The following PLAC1 variants were observed in gnomAD, a reference collection of about 807,000 sequenced individuals.
PLAC1 encodes the protein placenta associated 1.
For synonymous variants in PLAC1, 68 were observed against 62.1 expected, an observed-to-expected ratio of 1.09 and a Z score of -0.44; for missense variants, 136 against 163.2, an observed-to-expected ratio of 0.83 and a Z score of 0.91.
intron 2 of PLAC1, among the ~76,000 whole-genome samples, chrX:134,685,449 C>CTTTTTTTTTTTTT (rs200498313): frequency 7.1e-4 from 35 of 49,155 alleles, no homozygotes; most frequent in South Asian, 1.6e-3. Flanking sequence ...AATGGCGTCC[C>CTTTTTTTTTTTTT]TTTTTTTTTT....
intron 2 of PLAC1, chrX:134,599,386 C>T (rs2078078124): frequency 9.0e-6 from 1 of 111,007 alleles, no homozygotes; most frequent in Admixed American, 9.6e-5. Context: ...TGAGTTCTTA[C>T]AGGATCTGAT....
At chrX:134,640,575 T>C (rs760130906) in intron 1 of PLAC1, among the ~76,000 whole-genome samples, 1 of 111,690 alleles carries the variant, frequency 9.0e-6, no homozygotes, top group Non-Finnish European at 1.9e-5. Flanking sequence ...GGGGTACAGA[T>C]AAATGAGATG....
intron 1 of PLAC1, among the ~76,000 whole-genome samples, chrX:134,620,043 T>C (rs2078203716): frequency 8.9e-6 from 1 of 112,268 alleles, no homozygotes; most frequent in Admixed American, 9.4e-5. Flanking sequence ...GACTAGACTA[T>C]ATGACTTTAT....
Position 134,611,765 on chromosome X carries a change from A to T in PLAC1, c.-130-9643T>A, listed in dbSNP as rs1007840066. ...AAATAACGAGTTAAAAACTACCATG[A>T]TAAAAAGGCACGAGACACAAGGCAG... On this transcript the variant is annotated intron_variant, in intron 1 of 2. Transcript: ENST00000359237. 2.7e-5 allele frequency among the ~76,000 whole-genome samples: 3 copies of T among 110,756 alleles called. No homozygotes were observed. The East Asian group carries it at 8.5e-4, about 31-fold the overall frequency.
intron 2 of PLAC1, among the ~76,000 whole-genome samples, chrX:134,578,515 C>CA: frequency 1.8e-5 from 1 of 55,970 alleles, no homozygotes; most frequent in Non-Finnish European, 3.0e-5. Context: ...TTCTTTCTTT[C>CA]TTTTTTTTTT....
At chrX:134,630,253 G>C (rs1409926760) in intron 1 of PLAC1, among the ~76,000 whole-genome samples, 2 of 111,838 alleles carry the variant, frequency 1.8e-5, no homozygotes, top group Admixed American at 1.9e-4. Flanking sequence ...TTACAGGCGT[G>C]AGCCACCACG....
At chrX:134,655,786 T>C (rs1262757302) in intron 1 of PLAC1, among the ~76,000 whole-genome samples, 1 of 112,486 alleles carries the variant, frequency 8.9e-6, no homozygotes, top group African/African-American at 3.2e-5. Context: ...ATAGCAATAA[T>C]AATAAAAGAA....
intron 1 of PLAC1, among the ~76,000 whole-genome samples, chrX:134,753,130 G>A (rs1040262395): frequency 1.8e-5 from 2 of 111,439 alleles, no homozygotes; most frequent in African/African-American, 6.5e-5. Flanking sequence ...AACAGATTAT[G>A]TTGCTAGGTA....
intron 1 of PLAC1, among the ~76,000 whole-genome samples, chrX:134,740,421 C>T (rs764501098): frequency 1.7e-4 from 19 of 110,762 alleles, no homozygotes; most frequent in African/African-American, 3.3e-4. Context: ...CATGATGTTA[C>T]GAAAAGAAGC....
rs559529240 is a variant in PLAC1, at chrX:134,583,633, C to G, written c.-58-16893G>C. Among the ~76,000 whole-genome samples the G allele has an allele frequency of 8.2e-5, 9 of 110,276 alleles. No homozygotes were observed. The East Asian group carries it at 2.3e-3, about 28-fold the overall frequency. On this transcript the variant is annotated intron_variant, in intron 2 of 2. Transcript: ENST00000359237. ...AGTGAATGAGGTCTGAAAAACTGCACGTACAGGGCCTGGCACAGAGCAAGT... is the reference window on the plus strand; with the variant it reads ...AGTGAATGAGGTCTGAAAAACTGCAGGTACAGGGCCTGGCACAGAGCAAGT...
At chrX:134,698,258 C>T (rs1255399243) in intron 2 of PLAC1, among the ~76,000 whole-genome samples, 1 of 110,946 alleles carries the variant, frequency 9.0e-6, no homozygotes, top group African/African-American at 3.3e-5. Context: ...TTGAGACCAG[C>T]TTAGCCAAAA....
At chrX:134,744,281 C>CAA (rs779609449) in intron 1 of PLAC1, among the ~76,000 whole-genome samples, 2,670 of 51,356 alleles carry the variant, frequency 0.052, 155 homozygotes, top group African/African-American at 0.15. Flanking sequence ...GACTCCATCT[C>CAA]AAAAAAAAAA....
intron 2 of PLAC1, among the ~76,000 whole-genome samples, chrX:134,687,815 CAT>C (rs56675396): frequency 4.2e-3 from 130 of 31,065 alleles, no homozygotes; most frequent in African/African-American, 6.8e-3. Context: ...ACTGAGATAA[CAT>C]ATATATATAT....
At chrX:134,681,589 A>T (rs186946190) in intron 2 of PLAC1, among the ~76,000 whole-genome samples, 151 of 111,881 alleles carry the variant, frequency 1.3e-3, no homozygotes, top group African/African-American at 4.8e-3. Flanking sequence ...ACAAATTTTT[A>T]AAAAAGGTGA....
chrX:134,689,434 C>T (rs139985444), intron 2 of PLAC1, among the ~76,000 whole-genome samples: 3,881 of 111,559 alleles, frequency 0.035, 177 homozygotes, highest in African/African-American at 0.12. Flanking sequence ...TGTGTTCATG[C>T]CCGTTTTCAT....
chrX:134,647,397 G>T (rs112295987), intron 1 of PLAC1, among the ~76,000 whole-genome samples: 2,742 of 101,504 alleles, frequency 0.027, 110 homozygotes, highest in African/African-American at 0.096. Flanking sequence ...TCTATGTGTG[G>T]GCATGCATGC....
intron 2 of PLAC1, among the ~76,000 whole-genome samples, chrX:134,721,795 AG>A (rs2078658521): frequency 9.1e-6 from 1 of 110,207 alleles, no homozygotes; most frequent in Non-Finnish European, 1.9e-5. Context: ...CCTGGGAGGC[AG>A]AGGTTGCAGT....
At chrX:134,738,206 A>T (rs1277523281) in intron 1 of PLAC1, among the ~76,000 whole-genome samples, 1 of 111,978 alleles carries the variant, frequency 8.9e-6, no homozygotes, top group Non-Finnish European at 1.9e-5. Context: ...AAGGTCAATT[A>T]TTGTTGGAAG....
intron 1 of PLAC1, among the ~76,000 whole-genome samples, chrX:134,738,009 C>T (rs1320069183): frequency 9.0e-6 from 1 of 111,353 alleles, no homozygotes; most frequent in Non-Finnish European, 1.9e-5. Flanking sequence ...GCGGATTTCT[C>T]AGAACTGCCA....
Sources: gnomAD v4.1 joint callset for allele counts (sites outside exome capture counted in the v4.1 genomes callset) on GRCh38, gnomAD v4.1.1 for gene constraint, MANE v1.5 for transcripts, NCBI Gene and HGNC (gene_info 2026-07-23, HGNC 2026-07-21) for gene names.